Variants in CSMD3 observed in about 807,000 individuals in gnomAD.
CSMD3 encodes the protein CUB and sushi domain-containing protein 3.
In CSMD3, 177 loss-of-function variants were observed where a neutral mutation model predicts 435.2. The ratio of observed to expected loss-of-function variants is 0.41; its 90% CI spans 0.36 to 0.46. The LOEUF (loss-of-function observed/expected upper bound fraction) is 0.46, where lower values mean the gene tolerates loss of function less well. Among genes scored for constraint, CSMD3 ranks in the 20% least tolerant of loss-of-function variants. CSMD3 has a pLI of 0.34. For missense variants in CSMD3, 4,265 were observed against 4,504.6 expected (o/e 0.95, Z 1.52); for synonymous variants, 1,656 against 1,520.5 (o/e 1.09, Z -2.07).
At chr8:112,775,098 C>T (rs1256646880) in intron 13 of CSMD3, among the ~76,000 whole-genome samples, 1 of 151,832 alleles carries the variant, frequency 6.6e-6, no homozygotes, top group Admixed American at 6.6e-5. Context: ...CACCTCTCAT[C>T]TGAAGACTGC....
chr8:113,121,645 A>C (rs2131637626), intron 4 of CSMD3, among the ~76,000 whole-genome samples: 1 of 152,228 alleles, frequency 6.6e-6, no homozygotes, highest in Middle Eastern at 3.4e-3. Flanking sequence ...TTCAAGAAGT[A>C]AATCCTTTCC....
At chr8:112,660,499 C>T (rs2075355108) in intron 17 of CSMD3, among the ~76,000 whole-genome samples, 1 of 152,072 alleles carries the variant, frequency 6.6e-6, no homozygotes, top group African/African-American at 2.4e-5. Context: ...ATAGACAGCC[C>T]TCAACCAATA....
intron 1 of CSMD3, among the ~76,000 whole-genome samples, chr8:113,426,011 A>G (rs1234531051): frequency 6.6e-6 from 1 of 151,558 alleles, no homozygotes; most frequent in Non-Finnish European, 1.5e-5. Flanking sequence ...TATTTTGTCT[A>G]GAGTACATAG....
intron 31 of CSMD3, among the ~76,000 whole-genome samples, chr8:112,480,789 T>C (rs1380947093): frequency 6.6e-6 from 1 of 152,176 alleles, no homozygotes; most frequent in Non-Finnish European, 1.5e-5. Context: ...CTTCCTAAAT[T>C]ACCCAGTTTC....
intron 30 of CSMD3, 21 bp from the exon 31 acceptor site, chr8:112,492,704 A>C (rs1820820666): frequency 6.3e-7 from 1 of 1,599,818 alleles, no homozygotes; most frequent in Non-Finnish European, 8.6e-7. Context: ...GTGTTAGTAT[A>C]ACATTAATTG....
intron 2 of CSMD3, among the ~76,000 whole-genome samples, chr8:113,296,090 T>C (rs1244484003): frequency 1.3e-5 from 2 of 149,782 alleles, no homozygotes; most frequent in African/African-American, 2.5e-5. Context: ...AGGTGGGAAG[T>C]GAACAATGAG....
At chr8:113,393,196 T>C (rs1206331148) in intron 1 of CSMD3, among the ~76,000 whole-genome samples, 3 of 151,936 alleles carry the variant, frequency 2.0e-5, no homozygotes, top group Non-Finnish European at 4.4e-5. Flanking sequence ...CCATAAAATA[T>C]AAAGAGAATG....
At chr8:113,306,774 T>C (rs2093824982) in intron 2 of CSMD3, among the ~76,000 whole-genome samples, 1 of 152,158 alleles carries the variant, frequency 6.6e-6, no homozygotes, top group South Asian at 2.1e-4. Flanking sequence ...TGTTATATGT[T>C]AATTATAAAG....
chr8:112,518,542 T>C (rs1823921522), intron 27 of CSMD3, among the ~76,000 whole-genome samples: 1 of 151,748 alleles, frequency 6.6e-6, no homozygotes, highest in Admixed American at 6.6e-5. Context: ...AAATGGAGCA[T>C]CATGCATCAA....
Position 112,764,875 on chromosome 8 carries a change from T to C in CSMD3, c.1972+35287A>G, listed in dbSNP as rs2077935361. On this transcript the variant is annotated intron_variant, in intron 13 of 70. Coordinates refer to ENST00000297405, the MANE Select transcript of CSMD3 (RefSeq NM_198123.2). The stretch of plus-strand genomic sequence containing the variant: ...TAGACTCTGGGAAGTGTAGTGGCTA[T>C]GGTTGAGTTGAGGGGATATCAGAAG... 2.0e-5 allele frequency among the ~76,000 whole-genome samples: 3 copies of C among 151,634 alleles called. No homozygotes were observed. In the South Asian group the frequency reaches 6.2e-4, roughly 31 times the overall value.
intron 12 of CSMD3, among the ~76,000 whole-genome samples, chr8:112,809,536 A>G (rs1272831515): frequency 1.3e-5 from 2 of 152,336 alleles, no homozygotes; most frequent in South Asian, 2.1e-4. Flanking sequence ...TCCTATTCAC[A>G]GTAACATTAT....
intron 39 of CSMD3, among the ~76,000 whole-genome samples, chr8:112,351,565 T>G (rs1476460792): frequency 6.6e-6 from 1 of 152,014 alleles, no homozygotes; most frequent in African/African-American, 2.4e-5. Flanking sequence ...AAGGGCAGTA[T>G]ACATGGTGGT....
At chr8:113,360,802 T>C (rs904149021) in intron 1 of CSMD3, among the ~76,000 whole-genome samples, 1 of 151,950 alleles carries the variant, frequency 6.6e-6, no homozygotes. Flanking sequence ...CTCGATCTCC[T>C]GACCTCGTGA....
intron 1 of CSMD3, among the ~76,000 whole-genome samples, chr8:113,370,279 G>T (rs1319853196): frequency 6.6e-6 from 1 of 151,568 alleles, no homozygotes; most frequent in Non-Finnish European, 1.5e-5. Flanking sequence ...AAAAAACAAT[G>T]TTTACACACA....
intron 11 of CSMD3, among the ~76,000 whole-genome samples, chr8:112,836,653 T>C (rs1587437213): frequency 6.6e-6 from 1 of 151,844 alleles, no homozygotes. Flanking sequence ...CAATACGTAG[T>C]TTGAAGATAA....
intron 13 of CSMD3, among the ~76,000 whole-genome samples, chr8:112,707,456 T>C (rs2076522132): frequency 6.9e-6 from 1 of 145,398 alleles, no homozygotes; most frequent in Non-Finnish European, 1.5e-5. Flanking sequence ...GAGCTAATTA[T>C]TGGGGGTGGT....
intron 1 of CSMD3, among the ~76,000 whole-genome samples, chr8:113,371,089 T>G (rs1308891852): frequency 6.6e-6 from 1 of 152,028 alleles, no homozygotes; most frequent in Non-Finnish European, 1.5e-5. Context: ...TGTCCATAGT[T>G]TTTGAAGAGT....
intron 4 of CSMD3, among the ~76,000 whole-genome samples, chr8:113,126,081 TGAGAG>T (rs1294829858): frequency 1.3e-5 from 2 of 151,990 alleles, no homozygotes; most frequent in African/African-American, 4.8e-5. Flanking sequence ...CTAACGCACT[TGAGAG>T]GAGAAGGCAT....
intron 13 of CSMD3, among the ~76,000 whole-genome samples, chr8:112,772,201 T>G (rs946777347): frequency 4.6e-5 from 7 of 152,048 alleles, no homozygotes; most frequent in Admixed American, 6.6e-5. Flanking sequence ...GAGATCAGAT[T>G]GTTACTGTGT....
Sources: allele counts gnomAD v4.1 joint callset (sites outside exome capture counted in the v4.1 genomes callset), GRCh38; gene constraint gnomAD v4.1.1; transcripts MANE v1.5; gene names NCBI Gene and HGNC (gene_info 2026-07-23, HGNC 2026-07-21).